The following UBAC2 variants were observed in gnomAD, a reference collection of about 807,000 sequenced individuals.
The protein encoded by UBAC2 is UBA domain containing 2.
A neutral mutation model predicts 44.0 loss-of-function variants in UBAC2; 26 were observed. That is an observed-to-expected ratio of 0.59 (90% CI 0.43 to 0.82). UBAC2 has a LOEUF of 0.82. Ranked by LOEUF, UBAC2 falls within the 40% of genes least tolerant of loss-of-function variation. UBAC2 has a pLI of 0.00. For missense variants in UBAC2, 329 were observed against 419.4 expected (o/e 0.78, Z 1.88); for synonymous variants, 155 against 154.3 (o/e 1.00, Z -0.04).
At chr13:99,242,505 G>T (rs1469033254) in intron 2 of UBAC2, among the ~76,000 whole-genome samples, 2 of 130,772 alleles carry the variant, frequency 1.5e-5, no homozygotes, top group Non-Finnish European at 3.3e-5. Context: ...CGGGCGGGGG[G>T]CTGCCCCCCC....
chr13:99,244,097 C>A (rs1488300541), intron 3 of UBAC2, 146 bp downstream of exon 3: 21 of 654,056 alleles, frequency 3.2e-5, no homozygotes, highest in Non-Finnish European at 4.6e-5. Context: ...GGCACATGGA[C>A]ATTAACCAAA....
At chr13:99,214,953 A>T (rs901548956) in intron 1 of UBAC2, among the ~76,000 whole-genome samples, 5 of 149,810 alleles carry the variant, frequency 3.3e-5, no homozygotes, top group Admixed American at 6.6e-5. Flanking sequence ...AATAGAAGTC[A>T]GGTCATGACT....
intron 4 of UBAC2, among the ~76,000 whole-genome samples, chr13:99,259,523 G>A (rs1448259974): frequency 6.6e-6 from 1 of 152,096 alleles, no homozygotes; most frequent in African/African-American, 2.4e-5. Flanking sequence ...GAAATTGAAG[G>A]CCAGTTACTT....
chr13:99,275,519 A>G (rs574108273), intron 4 of UBAC2, among the ~76,000 whole-genome samples: 1 of 152,202 alleles, frequency 6.6e-6, no homozygotes, highest in African/African-American at 2.4e-5. Context: ...AACCTATTTT[A>G]AATTTTTATT....
intron 8 of UBAC2, among the ~76,000 whole-genome samples, chr13:99,382,820 G>A (rs1472761739): frequency 6.6e-6 from 1 of 152,132 alleles, no homozygotes; most frequent in African/African-American, 2.4e-5. Flanking sequence ...GACCCACCAG[G>A]GGAAGAGGAG....
At chr13:99,208,542 C>T (rs2042901747) in intron 1 of UBAC2, among the ~76,000 whole-genome samples, 1 of 152,184 alleles carries the variant, frequency 6.6e-6, no homozygotes, top group African/African-American at 2.4e-5. Flanking sequence ...TAAAAGTGTC[C>T]AGTTCAATAT....
intron 7 of UBAC2, among the ~76,000 whole-genome samples, chr13:99,357,211 G>A (rs574568503): frequency 1.3e-5 from 2 of 152,252 alleles, no homozygotes; most frequent in East Asian, 3.9e-4. Flanking sequence ...TAGCCTGGTC[G>A]CCATAGGCTA....
intron 4 of UBAC2, among the ~76,000 whole-genome samples, chr13:99,264,352 G>A (rs1443093660): frequency 6.6e-6 from 1 of 152,214 alleles, no homozygotes; most frequent in Non-Finnish European, 1.5e-5. Context: ...GAACAGGCTA[G>A]GGAAGGGAAA....
chr13:99,201,779 A>G (rs1174631272), intron 1 of UBAC2, among the ~76,000 whole-genome samples: 1 of 152,192 alleles, frequency 6.6e-6, no homozygotes, highest in Non-Finnish European at 1.5e-5. Context: ...TCCAAATATT[A>G]AAGATCTGTT....
chr13:99,311,959 A>G (rs1373983900), intron 4 of UBAC2, among the ~76,000 whole-genome samples: 1 of 152,204 alleles, frequency 6.6e-6, no homozygotes, highest in Non-Finnish European at 1.5e-5. Context: ...TTCTCACTGG[A>G]TGGCTAGCCA....
At position 99,353,633 on chromosome 13, in the gene UBAC2, G is replaced by A. The variant is rs117140656; in HGVS notation, c.807+13068G>A. ...CTTATTAATCAGTTTTTGAAAGGAC[G>A]AATGAATTTAGAGATGTACTCTGGA... is the stretch of plus-strand genomic sequence containing the variant. On this transcript the variant is annotated intron_variant, in intron 7 of 8. Coordinates refer to ENST00000403766, the MANE Select transcript of UBAC2 (RefSeq NM_001144072.2). 1.5e-3 allele frequency among the ~76,000 whole-genome samples: 222 copies of A among 152,262 alleles called. 1 individual carries two copies. In the East Asian group the frequency reaches 0.039, roughly 27 times the overall value.
chr13:99,217,511 G>T (rs1345092919), intron 1 of UBAC2, among the ~76,000 whole-genome samples: 2 of 152,122 alleles, frequency 1.3e-5, no homozygotes, highest in African/African-American at 4.8e-5. Flanking sequence ...TTTGTAGCTC[G>T]GGCAGCCTTA....
intron 7 of UBAC2, among the ~76,000 whole-genome samples, chr13:99,353,394 A>C (rs2045125921): frequency 6.6e-6 from 1 of 152,234 alleles, no homozygotes; most frequent in African/African-American, 2.4e-5. Context: ...GATCAATCTA[A>C]AGTGTGATCC....
chr13:99,215,336 T>G (rs575049901), intron 1 of UBAC2: 1 of 839,026 alleles, frequency 1.2e-6, no homozygotes, highest in Admixed American at 1.7e-5. Flanking sequence ...GTTCTTTTAT[T>G]TAGAGTCCTG....
At chr13:99,219,039 A>G (rs2043027217) in intron 1 of UBAC2, among the ~76,000 whole-genome samples, 1 of 152,204 alleles carries the variant, frequency 6.6e-6, no homozygotes, top group Non-Finnish European at 1.5e-5. Context: ...TGAGACACCA[A>G]GTCACCCCAT....
intron 4 of UBAC2, among the ~76,000 whole-genome samples, chr13:99,283,844 C>T (rs1429406369): frequency 6.6e-6 from 1 of 150,530 alleles, no homozygotes; most frequent in Non-Finnish European, 1.5e-5. Context: ...AAGCTATTCT[C>T]CTGCCTCAGC....
chr13:99,208,854 C>G (rs756009692), intron 1 of UBAC2, among the ~76,000 whole-genome samples: 1 of 152,180 alleles, frequency 6.6e-6, no homozygotes, highest in African/African-American at 2.4e-5. Flanking sequence ...CAGAGACTCC[C>G]GACTTCTATC....
At chr13:99,326,925 A>G (rs924461740) in intron 6 of UBAC2, among the ~76,000 whole-genome samples, 6 of 152,182 alleles carry the variant, frequency 3.9e-5, no homozygotes, top group Admixed American at 6.5e-5. Context: ...GAGGTTTTCA[A>G]AGTCCCCAGA....
At chr13:99,378,949 T>C (rs1436934358) in intron 8 of UBAC2, among the ~76,000 whole-genome samples, 1 of 152,250 alleles carries the variant, frequency 6.6e-6, no homozygotes, top group African/African-American at 2.4e-5. Flanking sequence ...AACATGATTT[T>C]TGATGAGATG....
Sources: allele counts gnomAD v4.1 joint callset (sites outside exome capture counted in the v4.1 genomes callset), GRCh38; gene constraint gnomAD v4.1.1; transcripts MANE v1.5; gene names NCBI Gene and HGNC (gene_info 2026-07-23, HGNC 2026-07-21).